Variants in IGFL2 observed in about 807,000 individuals in gnomAD.
The protein encoded by IGFL2 is IGF like family member 2.
IGFL2 carries 7 observed loss-of-function variants against 13.9 expected under a neutral mutation model. That is an observed-to-expected ratio of 0.51 (90% CI 0.29 to 0.95). The LOEUF is 0.95. Ranked by LOEUF, IGFL2 falls within the 40% of genes least tolerant of loss-of-function variation. IGFL2 has a pLI of 0.08. For synonymous variants in IGFL2, 55 were observed against 55.8 expected, an observed-to-expected ratio of 0.99 and a Z score of 0.07; for missense variants, 138 against 147.8, an observed-to-expected ratio of 0.93 and a Z score of 0.34.
chr19:46,149,652 C>CT (rs933204164), intron 1 of IGFL2, among the ~76,000 whole-genome samples: 2 of 151,010 alleles, frequency 1.3e-5, no homozygotes, highest in African/African-American at 2.4e-5. Context: ...TTTCGTGTAA[C>CT]TTTTTTTTTA....
At chr19:46,143,717 C>G (rs1182875387), upstream of IGFL2, among the ~76,000 whole-genome samples, 1 of 152,208 alleles carries the variant, frequency 6.6e-6, no homozygotes, top group Non-Finnish European at 1.5e-5. Flanking sequence ...TAAACCCCTT[C>G]CCATTTGCCA....
At chr19:46,079,254 A>G in the IGFL2 span, among the ~76,000 whole-genome samples, 2 of 152,258 alleles carry the variant, frequency 1.3e-5, no homozygotes, top group Admixed American at 1.3e-4. Flanking sequence ...GATGCTGCAG[A>G]GTTCATGGCT....
chr19:46,125,847 T>C, the IGFL2 span, among the ~76,000 whole-genome samples: 1 of 152,192 alleles, frequency 6.6e-6, no homozygotes, highest in Non-Finnish European at 1.5e-5. Flanking sequence ...TGAGTTTGAT[T>C]AGGTAAAATA....
chr19:46,124,368 A>C, the IGFL2 span: 8 of 1,553,476 alleles, frequency 5.1e-6, 1 homozygote, highest in Non-Finnish European at 7.1e-6. Flanking sequence ...AGAATGTGAC[A>C]AGTATGGAAA....
chr19:46,152,463 T>G (rs1425719224), intron 1 of IGFL2, among the ~76,000 whole-genome samples: 1 of 151,996 alleles, frequency 6.6e-6, no homozygotes, highest in East Asian at 1.9e-4. Context: ...GTTTTTATTT[T>G]TATACAGATG....
At position 46,161,070 on chromosome 19, in the gene IGFL2, C is replaced by A; in HGVS notation, c.342C>A (p.Ser114Arg). Residue 114 changes from serine (S) to arginine (R), a missense_variant and splice_region_variant, in exon 4 of 4, where the codon AGC becomes AGA. By Grantham distance (110) the Ser-to-Arg change is moderately radical (BLOSUM62 -1). Coordinates refer to ENST00000377693, the MANE Select transcript of IGFL2 (RefSeq NM_001135113.2). ...HSSPISSKCE[S>R]RRRFP ...TTTCTTGGTTTCTTTTTCTCTGTAG[C>A]AGAAGACGTTTTCCCTGAGAAGACA... 6.3e-7 allele frequency: 1 copy of A among 1,589,546 alleles called. No individual in the cohort carries two copies. The highest frequency in any genetic ancestry group is 8.6e-7 in the Non-Finnish European group (1 of 1,166,366).
At chr19:46,160,322 C>CT in intron 1 of IGFL2, 93 bp from the exon 2 acceptor site, 1 of 1,120,522 alleles carries the variant, frequency 8.9e-7, no homozygotes, top group Non-Finnish European at 1.3e-6. Context: ...TAATCTGGAA[C>CT]TAAGCCTTCC....
chr19:46,100,943 G>A, the IGFL2 span, among the ~76,000 whole-genome samples: 1 of 152,078 alleles, frequency 6.6e-6, no homozygotes, highest in African/African-American at 2.4e-5. Flanking sequence ...CTTTCTGTTA[G>A]TTTGTTTTTC....
the IGFL2 span, among the ~76,000 whole-genome samples, chr19:46,112,584 A>G: frequency 6.6e-6 from 1 of 152,236 alleles, no homozygotes; most frequent in Admixed American, 6.5e-5. Flanking sequence ...GATGAACACA[A>G]GCTGGGACCT....
At chr19:46,158,185 T>TAA (rs1973925975) in intron 1 of IGFL2, among the ~76,000 whole-genome samples, 2 of 152,028 alleles carry the variant, frequency 1.3e-5, no homozygotes, top group Admixed American at 1.3e-4. Context: ...AAGATGTTAG[T>TAA]TCCCCCCAAA....
the IGFL2 span, among the ~76,000 whole-genome samples, chr19:46,088,195 T>C: frequency 7.9e-5 from 12 of 152,234 alleles, no homozygotes; most frequent in African/African-American, 2.9e-4. Flanking sequence ...TTTCAGATGA[T>C]CTATTTGAAG....
the IGFL2 span, chr19:46,202,894 G>C: frequency 6.6e-6 from 1 of 152,218 alleles, no homozygotes; most frequent in African/African-American, 2.4e-5. Context: ...CCGAGGTCAT[G>C]GGTGGATCTC....
the IGFL2 span, chr19:46,113,365 A>G: frequency 2.9e-6 from 1 of 345,160 alleles, no homozygotes; most frequent in Non-Finnish European, 5.7e-6. Flanking sequence ...GAAATTTCCA[A>G]AGCACTAATA....
the IGFL2 span, among the ~76,000 whole-genome samples, chr19:46,198,841 C>T: frequency 6.6e-6 from 1 of 152,318 alleles, no homozygotes; most frequent in South Asian, 2.1e-4. Context: ...GCCACCCCAT[C>T]CCTGCCTATC....
chr19:46,146,749 A>C (rs1973157565), upstream of IGFL2, among the ~76,000 whole-genome samples: 1 of 152,162 alleles, frequency 6.6e-6, no homozygotes, highest in African/African-American at 2.4e-5. Context: ...AGTTCTTGCC[A>C]GTATAAAGGA....
At chr19:46,156,577 A>G (rs1973834761) in intron 1 of IGFL2, among the ~76,000 whole-genome samples, 1 of 152,222 alleles carries the variant, frequency 6.6e-6, no homozygotes, top group Non-Finnish European at 1.5e-5. Context: ...AAAGATTTTT[A>G]AAACTATATT....
chr19:46,083,914 A>G, the IGFL2 span, among the ~76,000 whole-genome samples: 17 of 152,322 alleles, frequency 1.1e-4, no homozygotes, highest in East Asian at 1.7e-3. Flanking sequence ...AGTTTTGTGC[A>G]ATGGTGGGCA....
At chr19:46,213,292 T>C in the IGFL2 span, 1 of 152,194 alleles carries the variant, frequency 6.6e-6, no homozygotes, top group Non-Finnish European at 1.5e-5. Context: ...TCAAATCTAC[T>C]ATGACACATA....
chr19:46,214,594 C>T, the IGFL2 span: 1 of 152,058 alleles, frequency 6.6e-6, no homozygotes, highest in African/African-American at 2.4e-5. Flanking sequence ...GACCTCATCA[C>T]CCACATTCCA....
Sources: allele counts gnomAD v4.1 joint callset (sites outside exome capture counted in the v4.1 genomes callset), GRCh38; gene constraint gnomAD v4.1.1; transcripts MANE v1.5; gene names NCBI Gene and HGNC (gene_info 2026-07-23, HGNC 2026-07-21).